SYT14: variants seen among roughly 807,000 people sequenced by gnomAD.
SYT14 encodes synaptotagmin-14.
SYT14 carries 32 observed loss-of-function variants against 74.2 expected under a neutral mutation model. The observed-to-expected ratio is 0.43, with a 90% CI of 0.33 to 0.58. The LOEUF (loss-of-function observed/expected upper bound fraction) is 0.58. Among genes scored for constraint, SYT14 ranks in the 20% least tolerant of loss-of-function variants. SYT14 has a pLI of 0.05. For synonymous variants in SYT14, 298 were observed against 337.7 expected, an observed-to-expected ratio of 0.88 and a Z score of 1.29; for missense variants, 791 against 981.8, an observed-to-expected ratio of 0.81 and a Z score of 2.60.
At chr1:210,095,567 T>C (rs1476399996) in intron 6 of SYT14, among the ~76,000 whole-genome samples, 3 of 152,230 alleles carry the variant, frequency 2.0e-5, no homozygotes, top group Non-Finnish European at 4.4e-5. Context: ...TTAAAAGTTT[T>C]AGATTGCAAG....
At chr1:210,137,735 C>T (rs982517647) in intron 7 of SYT14, among the ~76,000 whole-genome samples, 1 of 146,686 alleles carries the variant, frequency 6.8e-6, no homozygotes, top group Non-Finnish European at 1.5e-5. Flanking sequence ...GGCTGGAGTG[C>T]GGTGGCGCAA....
intron 2 of SYT14, among the ~76,000 whole-genome samples, chr1:209,981,575 C>T (rs1031888087): frequency 4.0e-5 from 6 of 151,046 alleles, no homozygotes; most frequent in African/African-American, 7.3e-5. Flanking sequence ...CTTAGCCTCC[C>T]GAGTAGCTGG....
At chr1:210,053,769 T>C (rs927519954) in intron 5 of SYT14, among the ~76,000 whole-genome samples, 1 of 152,200 alleles carries the variant, frequency 6.6e-6, no homozygotes, top group South Asian at 2.1e-4. Flanking sequence ...TCTGGTCTTA[T>C]CATCACAGCA....
rs1373726528 is a variant in SYT14, at chr1:209,981,468, T to TC, written c.-486+28712_-486+28713insC. 1.5e-3 allele frequency among the ~76,000 whole-genome samples: 222 copies of TC among 144,388 alleles called. 2 individuals carry two copies. In the East Asian group the frequency reaches 0.041, roughly 27 times the overall value. 94.7% of individuals were successfully genotyped at this position (144,388 alleles called of 152,430 possible). A position where few individuals can be genotyped will look rare whatever the true frequency, so the allele number is the denominator to read the frequency against. On this transcript the variant is annotated intron_variant, in intron 2 of 9. Transcript: ENST00000637265. ...TTCTTTTCTTTTTTTTTTTTTTTTT[T>TC]TGAGGCAGGATCTCACTCTGTTGCC...
chr1:210,111,502 G>T (rs1480821303), intron 7 of SYT14, among the ~76,000 whole-genome samples: 1 of 151,234 alleles, frequency 6.6e-6, no homozygotes, highest in Non-Finnish European at 1.5e-5. Context: ...AAGTGTTGGG[G>T]TGGCGAACAT....
chr1:210,113,542 T>C (rs1292820899), intron 7 of SYT14, among the ~76,000 whole-genome samples: 3 of 151,252 alleles, frequency 2.0e-5, no homozygotes, highest in African/African-American at 7.4e-5. Flanking sequence ...TTTTAAAGCA[T>C]ACTGTGGGAT....
rs548053089 is a variant in SYT14 at position 209,962,254 on chromosome 1, C to T, written c.-486+9498C>T. Reference sequence around the variant, plus strand: ...CATTTTCGTTTTTTCTGGTTCTTAGCGTAGATATCTTTTTTTTATATATAT... The same window carrying T: ...CATTTTCGTTTTTTCTGGTTCTTAGTGTAGATATCTTTTTTTTATATATAT... On this transcript the variant is annotated intron_variant, in intron 2 of 9. Coordinates refer to ENST00000637265, the Ensembl canonical transcript of SYT14. Among the ~76,000 whole-genome samples, 21 of 151,496 alleles carry T rather than the reference C, an allele frequency of 1.4e-4. No individual in the cohort carries two copies. In the South Asian group the frequency reaches 1.5e-3, roughly 11 times the overall value.
chr1:210,042,203 T>C (rs1422566098), intron 5 of SYT14, among the ~76,000 whole-genome samples: 1 of 152,132 alleles, frequency 6.6e-6, no homozygotes, highest in Admixed American at 6.6e-5. Flanking sequence ...CTTGTTTACA[T>C]AGTAATAAAG....
exon 4 of SYT14, chr1:210,016,610 A>G (rs2080189005): frequency 4.1e-6 from 5 of 1,231,954 alleles, no homozygotes; most frequent in Non-Finnish European, 5.1e-6. Context: ...AAATCAGAAG[A>G]ATGCCAACGG....
At chr1:210,125,290 T>G (rs2082547557) in intron 7 of SYT14, among the ~76,000 whole-genome samples, 1 of 151,020 alleles carries the variant, frequency 6.6e-6, no homozygotes, top group African/African-American at 2.4e-5. Flanking sequence ...AGTTCCCACT[T>G]ACAAGTGAGA....
chr1:210,161,121 T>G, exon 10 of SYT14: 1 of 1,464,436 alleles, frequency 6.8e-7, no homozygotes, highest in Non-Finnish European at 9.5e-7. Flanking sequence ...CAAGTCCCAT[T>G]AGAAGAGCTG....
chr1:209,960,579 T>A lies in SYT14; in HGVS notation c.-486+7823T>A, dbSNP rs1373177833. ...CAGCTTTCCAATCTTTTCTCCCATTTGAATCAAAGATTGTCTTGAAGCTAG... is the reference window on the plus strand; with the variant it reads ...CAGCTTTCCAATCTTTTCTCCCATTAGAATCAAAGATTGTCTTGAAGCTAG... On this transcript the variant is annotated intron_variant, in intron 2 of 9. Coordinates refer to ENST00000637265, the Ensembl canonical transcript of SYT14. Among the ~76,000 whole-genome samples, 4 of 152,156 alleles carry A rather than the reference T, an allele frequency of 2.6e-5. No individual in the cohort carries two copies. In the East Asian group the frequency reaches 7.7e-4, roughly 29 times the overall value.
intron 8 of SYT14, 129 bp downstream of exon 7, chr1:210,156,039 G>T: frequency 2.3e-6 from 2 of 875,110 alleles, no homozygotes; most frequent in South Asian, 3.2e-5. Context: ...CAGCTAATCT[G>T]TTTCATGTTT....
intron 2 of SYT14, among the ~76,000 whole-genome samples, chr1:209,958,959 G>T (rs1347514946): frequency 6.6e-6 from 1 of 151,998 alleles, no homozygotes; most frequent in Admixed American, 6.5e-5. Flanking sequence ...CCCATCTATT[G>T]CTGGGAATGT....
At chr1:209,947,808 T>C (rs1460440046) in intron 1 of SYT14, among the ~76,000 whole-genome samples, 1 of 152,116 alleles carries the variant, frequency 6.6e-6, no homozygotes, top group African/African-American at 2.4e-5. Flanking sequence ...AAAGAAAGAA[T>C]CCATCAGTGT....
chr1:210,070,839 G>A (rs1423062475), intron 5 of SYT14, among the ~76,000 whole-genome samples: 1 of 151,738 alleles, frequency 6.6e-6, no homozygotes, highest in African/African-American at 2.4e-5. Flanking sequence ...TAGCAGTCAT[G>A]AGAGAAGCTG....
intron 1 of SYT14, among the ~76,000 whole-genome samples, chr1:209,942,379 G>A (rs966668527): frequency 1.1e-5 from 1 of 88,948 alleles, no homozygotes; most frequent in African/African-American, 9.6e-5. Context: ...CCCCCGCTCT[G>A]TTGTGCAGAT....
chr1:209,947,041 A>C (rs919912169), intron 1 of SYT14, among the ~76,000 whole-genome samples: 2 of 152,174 alleles, frequency 1.3e-5, no homozygotes, highest in African/African-American at 2.4e-5. Context: ...GGTTTATTGA[A>C]TATTTTGAGT....
intron 7 of SYT14, among the ~76,000 whole-genome samples, chr1:210,132,919 TA>T (rs2082707848): frequency 6.6e-6 from 1 of 152,164 alleles, no homozygotes; most frequent in Non-Finnish European, 1.5e-5. Context: ...ATTTTTTTTC[TA>T]AAGCCCTGTA....
Sources: allele counts gnomAD v4.1 joint callset (sites outside exome capture counted in the v4.1 genomes callset), GRCh38; gene constraint gnomAD v4.1.1; transcripts MANE v1.5; gene names NCBI Gene and HGNC (gene_info 2026-07-23, HGNC 2026-07-21).